STRN: variants seen among roughly 807,000 people sequenced by gnomAD.
STRN encodes striatin, also known as protein phosphatase 2 regulatory subunit B'''alpha.
A neutral mutation model predicts 96.3 loss-of-function variants in STRN; 53 were observed. The observed-to-expected ratio is 0.55, with a 90% CI of 0.44 to 0.69. STRN has a LOEUF of 0.69. STRN is among the 30% of genes least tolerant of loss of function. STRN has a pLI of 0.00. For synonymous variants in STRN, 428 were observed against 355.9 expected, an observed-to-expected ratio of 1.20 and a Z score of -2.28; for missense variants, 987 against 963.9, an observed-to-expected ratio of 1.02 and a Z score of -0.32.
In STRN at chr2:36,914,703, G is replaced by A. The variant is rs1425912457; in HGVS notation, c.412+1375C>T. On this transcript the variant is annotated intron_variant, in intron 3 of 17. Coordinates refer to ENST00000263918, the MANE Select transcript of STRN (RefSeq NM_003162.4). ...CTTTCATACACTGTCAAATACAGAA[G>A]CAACATGGTAAAATGGAAAGAATAT... Among the ~76,000 whole-genome samples the A allele has an allele frequency of 3.3e-5, 5 of 152,114 alleles. No individual in the cohort carries two copies. In the East Asian group the frequency reaches 9.6e-4, roughly 29 times the overall value.
intron 1 of STRN, among the ~76,000 whole-genome samples, chr2:36,931,096 A>G (rs1226506994): frequency 6.6e-6 from 1 of 151,624 alleles, no homozygotes; most frequent in Non-Finnish European, 1.5e-5. Context: ...TTTTTCCCCA[A>G]AGTGTTGAGA....
chr2:36,917,538 G>GAAAAAAAAAAAAAAAAAA (rs576754026), intron 2 of STRN, among the ~76,000 whole-genome samples: 2 of 88,664 alleles, frequency 2.3e-5, no homozygotes, highest in Admixed American at 1.3e-4. Flanking sequence ...ACAAAAAAAA[G>GAAAAAAAAAAAAAAAAAA]AAAAAAAAAA....
chr2:36,914,218 T>C (rs949302901), intron 3 of STRN, among the ~76,000 whole-genome samples: 1 of 152,190 alleles, frequency 6.6e-6, no homozygotes, highest in Admixed American at 6.5e-5. Flanking sequence ...CTCAAACTCC[T>C]AGCCTTAAGC....
chr2:36,939,884 A>T (rs1403144662), intron 1 of STRN, among the ~76,000 whole-genome samples: 1 of 152,232 alleles, frequency 6.6e-6, no homozygotes, highest in East Asian at 1.9e-4. Context: ...TACAGTATTT[A>T]GGACAAAAAG....
rs117846865 is a variant in STRN at position 36,874,767 on chromosome 2, G to A, written c.1323+3124C>T. On this transcript the variant is annotated intron_variant, in intron 10 of 17. Transcript: ENST00000263918. ...ACCTCTGCCAACTAGAATTCAATACGCAATAACAGTTGACCCACTCAGGCT... is the reference window on the plus strand; with the variant it reads ...ACCTCTGCCAACTAGAATTCAATACACAATAACAGTTGACCCACTCAGGCT... Among the ~76,000 whole-genome samples, 32 of 131,558 alleles carry A rather than the reference G, an allele frequency of 2.4e-4. No individual in the cohort carries two copies. In the East Asian group the frequency reaches 5.2e-3, roughly 21 times the overall value. 86.3% of individuals were successfully genotyped at this position (131,558 alleles called of 152,430 possible).
intron 14 of STRN, among the ~76,000 whole-genome samples, 181 bp downstream of exon 14, chr2:36,857,675 A>G (rs1422719833): frequency 6.7e-6 from 1 of 148,338 alleles, no homozygotes; most frequent in African/African-American, 2.6e-5. Flanking sequence ...AAACAAAACA[A>G]AACAAAACAA....
At chr2:36,867,053 T>C (rs566175415) in intron 12 of STRN, among the ~76,000 whole-genome samples, 3 of 152,346 alleles carry the variant, frequency 2.0e-5, no homozygotes, top group South Asian at 2.1e-4. Context: ...ATGTGCCCAT[T>C]TGATCCTGTG....
intron 1 of STRN, among the ~76,000 whole-genome samples, chr2:36,944,860 T>C (rs1300034921): frequency 1.3e-5 from 2 of 152,164 alleles, no homozygotes; most frequent in East Asian, 1.9e-4. Flanking sequence ...AAGTAGGAGA[T>C]ATAACTTTAA....
chr2:36,856,999 G>A (rs143816121), intron 14 of STRN, among the ~76,000 whole-genome samples: 243 of 151,542 alleles, frequency 1.6e-3, no homozygotes, highest in African/African-American at 5.4e-3. Flanking sequence ...GTACAGAACC[G>A]TCAACCAATT....
At chr2:36,944,775 G>A (rs1333100458) in intron 1 of STRN, among the ~76,000 whole-genome samples, 2 of 152,110 alleles carry the variant, frequency 1.3e-5, no homozygotes, top group Non-Finnish European at 2.9e-5. Context: ...TCAGAGAGGA[G>A]GAAACCCAAA....
intron 3 of STRN, among the ~76,000 whole-genome samples, chr2:36,911,464 G>A (rs1049608510): frequency 6.6e-6 from 1 of 152,202 alleles, no homozygotes; most frequent in South Asian, 2.1e-4. Context: ...CCTATCACCT[G>A]TTTTTATAGT....
At chr2:36,940,662 CTAAAAA>C (rs1335760933) in intron 1 of STRN, among the ~76,000 whole-genome samples, 3 of 151,244 alleles carry the variant, frequency 2.0e-5, no homozygotes, top group Non-Finnish European at 2.9e-5. Context: ...CCCATCTCTA[CTAAAAA>C]TAAAAATAAA....
intron 2 of STRN, among the ~76,000 whole-genome samples, chr2:36,917,653 C>A (rs1207051696): frequency 6.6e-6 from 1 of 150,576 alleles, no homozygotes; most frequent in Non-Finnish European, 1.5e-5. Flanking sequence ...TTTGCAGTCA[C>A]AACAGAAAAA....
rs1378367339 is a variant in STRN, at chr2:36,838,865, AGAACGTACAT to A, written c.*10581_*10590del. Among the ~76,000 whole-genome samples, 11 of 152,208 alleles carry A rather than the reference AGAACGTACAT, an allele frequency of 7.2e-5. No homozygotes were observed. The highest frequency in any genetic ancestry group is 2.7e-4 in the African/African-American group (11 of 41,466). ...GTTAAATGAGAAATGTGAGATGCAG[AGAACGTACAT>A]GATCCCATTTATTTAAAGCAAACTG... On this transcript the variant is annotated 3_prime_UTR_variant, in exon 18 of 18. Transcript: ENST00000263918.
chr2:36,868,031 AG>A (rs1668673573), intron 11 of STRN, among the ~76,000 whole-genome samples, 170 bp from the exon 12 acceptor site: 1 of 152,220 alleles, frequency 6.6e-6, no homozygotes, highest in Non-Finnish European at 1.5e-5. Context: ...CATGGCATCA[AG>A]AAACAAGATT....
chr2:36,897,908 C>T (rs1465275468), intron 6 of STRN, among the ~76,000 whole-genome samples: 1 of 151,866 alleles, frequency 6.6e-6, no homozygotes, highest in African/African-American at 2.4e-5. Flanking sequence ...CTAGGCTGGT[C>T]CCAAACTCCT....
intron 12 of STRN, among the ~76,000 whole-genome samples, chr2:36,865,604 C>G (rs550439132): frequency 5.2e-4 from 79 of 152,174 alleles, no homozygotes; most frequent in African/African-American, 1.7e-3. Context: ...CTCTGTCGCC[C>G]AGGTTGGAGT....
chr2:36,872,524 A>G (rs1422436357), intron 10 of STRN, among the ~76,000 whole-genome samples: 1 of 152,214 alleles, frequency 6.6e-6, no homozygotes, highest in African/African-American at 2.4e-5. Flanking sequence ...AACTATGAAG[A>G]TAATAAATGT....
chr2:36,919,010 C>T, intron 2 of STRN, among the ~76,000 whole-genome samples: 2 of 152,296 alleles, frequency 1.3e-5, no homozygotes, highest in South Asian at 4.1e-4. Context: ...AACTATAATA[C>T]ACTAAAGAAG....
Sources: gnomAD v4.1 joint callset for allele counts (sites outside exome capture counted in the v4.1 genomes callset) on GRCh38, gnomAD v4.1.1 for gene constraint, MANE v1.5 for transcripts, NCBI Gene and HGNC (gene_info 2026-07-23, HGNC 2026-07-21) for gene names.